ALK: variants seen among roughly 807,000 people sequenced by gnomAD.
The protein encoded by ALK is ALK tyrosine kinase receptor.
A neutral mutation model predicts 163.1 loss-of-function variants in ALK; 74 were observed. The ratio of observed to expected loss-of-function variants is 0.45; its 90% CI spans 0.38 to 0.55. ALK has a LOEUF of 0.55. Ranked by LOEUF, ALK falls within the 20% of genes least tolerant of loss-of-function variation. The pLI is 0.00. For missense variants in ALK, 2,063 were observed against 2,105.3 expected, an observed-to-expected ratio of 0.98 and a Z score of 0.39; for synonymous variants, 960 against 843.2, an observed-to-expected ratio of 1.14 and a Z score of -2.40.
intron 26 of ALK, among the ~76,000 whole-genome samples, chr2:29,203,125 C>G (rs1046013131): frequency 6.6e-6 from 1 of 152,080 alleles, no homozygotes; most frequent in Admixed American, 6.6e-5. Context: ...GCCGAGGATT[C>G]GCAGTTCCCA....
chr2:29,526,279 A>C (rs1424420967), intron 4 of ALK, among the ~76,000 whole-genome samples: 3 of 152,106 alleles, frequency 2.0e-5, no homozygotes, highest in Non-Finnish European at 4.4e-5. Context: ...AGATTCTGAG[A>C]CTTGTCCAAG....
chr2:29,882,141 G>A (rs1266124910), intron 1 of ALK, among the ~76,000 whole-genome samples: 1 of 152,156 alleles, frequency 6.6e-6, no homozygotes, highest in Non-Finnish European at 1.5e-5. Flanking sequence ...GGTTGTGAAG[G>A]ACTGTAGGTG....
chr2:29,546,487 A>G (rs143315518), intron 3 of ALK, among the ~76,000 whole-genome samples: 2 of 152,350 alleles, frequency 1.3e-5, no homozygotes, highest in East Asian at 1.9e-4. Context: ...ATTTAATTCA[A>G]TGAGAAACAG....
chr2:29,433,937 C>A (rs554454449), intron 4 of ALK, among the ~76,000 whole-genome samples: 1 of 152,002 alleles, frequency 6.6e-6, no homozygotes, highest in Non-Finnish European at 1.5e-5. Context: ...CTCTTAGGCC[C>A]GGCTTAATGG....
At chr2:29,416,390 C>T (rs1033274255) in intron 4 of ALK, among the ~76,000 whole-genome samples, 4 of 152,326 alleles carry the variant, frequency 2.6e-5, no homozygotes, top group South Asian at 4.1e-4. Flanking sequence ...TCTTCAAGTG[C>T]CTCACTCATG....
At chr2:29,544,021 G>A (rs938390885) in intron 3 of ALK, among the ~76,000 whole-genome samples, 2 of 152,140 alleles carry the variant, frequency 1.3e-5, no homozygotes, top group African/African-American at 4.8e-5. Context: ...CAGGATCCAG[G>A]CATCATTGGC....
chr2:29,263,673 C>T (rs544058992), intron 11 of ALK, among the ~76,000 whole-genome samples: 10 of 152,220 alleles, frequency 6.6e-5, no homozygotes, highest in Admixed American at 1.3e-4. Flanking sequence ...GGAAGGGATG[C>T]TTCCCCTCCT....
chr2:29,540,705 C>T (rs917002283), intron 3 of ALK, among the ~76,000 whole-genome samples: 3 of 151,586 alleles, frequency 2.0e-5, no homozygotes, highest in Admixed American at 6.6e-5. Flanking sequence ...TGAATCCTGA[C>T]TTCTTTCTTG....
intron 9 of ALK, among the ~76,000 whole-genome samples, chr2:29,293,994 T>C (rs1666111200): frequency 6.6e-6 from 1 of 152,170 alleles, no homozygotes; most frequent in African/African-American, 2.4e-5. Context: ...TTTCTGCCGC[T>C]TTCAAGGTTC....
At chr2:29,751,500 G>T (rs886175146) in intron 1 of ALK, among the ~76,000 whole-genome samples, 2 of 152,130 alleles carry the variant, frequency 1.3e-5, no homozygotes, top group Non-Finnish European at 2.9e-5. Flanking sequence ...TGGGAAAGGC[G>T]TTGAGTTGTG....
intron 1 of ALK, among the ~76,000 whole-genome samples, chr2:29,797,242 C>T (rs1664343435): frequency 6.6e-6 from 1 of 152,182 alleles, no homozygotes; most frequent in South Asian, 2.1e-4. Flanking sequence ...TCTAACCAGT[C>T]CAGATAACTC....
In ALK at chr2:29,384,827, C is replaced by T. The variant is rs182479682; in HGVS notation, c.1155-968G>A. The stretch of plus-strand genomic sequence containing the variant: ...TGTCACTTTGGGAGGCCAAGGTGGG[C>T]GGATCATGAGGTCAAGAGATTGAAA... On this transcript the variant is annotated intron_variant, in intron 4 of 28. Coordinates refer to ENST00000389048, the MANE Select transcript of ALK (RefSeq NM_004304.5). Among the ~76,000 whole-genome samples, 102 of 152,034 alleles carry T rather than the reference C, an allele frequency of 6.7e-4. 1 individual carries two copies. The East Asian group carries it at 0.013, about 19-fold the overall frequency.
At chr2:29,687,080 T>TTGATGATG (rs1371879179) in intron 3 of ALK, among the ~76,000 whole-genome samples, 1 of 151,968 alleles carries the variant, frequency 6.6e-6, no homozygotes, top group Non-Finnish European at 1.5e-5. Flanking sequence ...CCAGTGACCT[T>TTGATGATG]AGTATGATGA....
At chr2:29,597,415 G>A (rs1675245018) in intron 3 of ALK, among the ~76,000 whole-genome samples, 2 of 152,122 alleles carry the variant, frequency 1.3e-5, no homozygotes, top group African/African-American at 2.4e-5. Flanking sequence ...ATGAACCAAC[G>A]CCACTAATTT....
chr2:29,520,740 A>T (rs1211442584), intron 4 of ALK, among the ~76,000 whole-genome samples: 1 of 152,162 alleles, frequency 6.6e-6, no homozygotes, highest in Non-Finnish European at 1.5e-5. Context: ...GTAGTTTGAT[A>T]CAAACGAATC....
chr2:29,563,250 T>G (rs1674077765), intron 3 of ALK, among the ~76,000 whole-genome samples: 1 of 152,216 alleles, frequency 6.6e-6, no homozygotes, highest in Non-Finnish European at 1.5e-5. Context: ...GGTTTTGTTT[T>G]AAATTTGTTG....
At chr2:29,661,160 A>ATAT (rs1677335466) in intron 3 of ALK, among the ~76,000 whole-genome samples, 2 of 152,160 alleles carry the variant, frequency 1.3e-5, no homozygotes, top group African/African-American at 4.8e-5. Flanking sequence ...CTAAAACAAG[A>ATAT]TATTATTATT....
At chr2:29,688,983 T>G (rs148550667) in intron 3 of ALK, among the ~76,000 whole-genome samples, 41 of 152,248 alleles carry the variant, frequency 2.7e-4, no homozygotes, top group African/African-American at 8.2e-4. Flanking sequence ...ATGGCAGCAC[T>G]TTTGGGAGAA....
chr2:29,381,344 T>C (rs1037390518), intron 5 of ALK, among the ~76,000 whole-genome samples: 3 of 152,268 alleles, frequency 2.0e-5, no homozygotes, highest in African/African-American at 7.2e-5. Flanking sequence ...TCAACTGAGA[T>C]GAACTGAGCA....
Sources: gnomAD v4.1 joint callset for allele counts (sites outside exome capture counted in the v4.1 genomes callset) on GRCh38, gnomAD v4.1.1 for gene constraint, MANE v1.5 for transcripts, NCBI Gene and HGNC (gene_info 2026-07-23, HGNC 2026-07-21) for gene names.